Variants in EHBP1 observed in about 807,000 individuals in gnomAD.
EHBP1 encodes the protein EH domain-binding protein 1.
A neutral mutation model predicts 144.0 loss-of-function variants in EHBP1; 55 were observed. That is an observed-to-expected ratio of 0.38 (90% confidence interval 0.31 to 0.48). The LOEUF (loss-of-function observed/expected upper bound fraction) is 0.48, where lower values mean the gene tolerates loss of function less well. Ranked by LOEUF, EHBP1 falls within the 20% of genes least tolerant of loss-of-function variation. The pLI is 0.98. For missense variants in EHBP1, 1,200 were observed against 1,364.2 expected (o/e 0.88, Z 1.90); for synonymous variants, 469 against 472.7 (o/e 0.99, Z 0.10).
intron 9 of EHBP1, 147 bp downstream of exon 9, chr2:62,865,118 T>C: frequency 4.4e-6 from 4 of 918,096 alleles, no homozygotes; most frequent in South Asian, 3.5e-5. Context: ...TGAGTGTTTA[T>C]AGTCTTAAAC....
chr2:62,675,491 T>C (rs1342195037), intron 1 of EHBP1, among the ~76,000 whole-genome samples: 2 of 152,100 alleles, frequency 1.3e-5, no homozygotes, highest in Non-Finnish European at 2.9e-5. Context: ...TGGCTGAATA[T>C]GCAAAGGATA....
chr2:62,722,867 G>A (rs2036371565), intron 2 of EHBP1, among the ~76,000 whole-genome samples: 4 of 152,210 alleles, frequency 2.6e-5, no homozygotes. Flanking sequence ...TGTGGTTCAA[G>A]AGAGCTGTTG....
intron 10 of EHBP1, among the ~76,000 whole-genome samples, chr2:62,894,860 G>A (rs2052749191): frequency 6.6e-6 from 1 of 151,020 alleles, no homozygotes; most frequent in African/African-American, 2.4e-5. Context: ...AGAGGTTACA[G>A]TAAGCTATGA....
chr2:62,703,773 C>T (rs566486745), upstream of EHBP1, among the ~76,000 whole-genome samples: 19 of 152,136 alleles, frequency 1.2e-4, no homozygotes, highest in East Asian at 3.3e-3. Flanking sequence ...TTTAAGACAC[C>T]ATTTAAAACT....
At chr2:62,872,443 T>A (rs1355202292) in intron 9 of EHBP1, among the ~76,000 whole-genome samples, 1 of 152,092 alleles carries the variant, frequency 6.6e-6, no homozygotes, top group East Asian at 1.9e-4. Flanking sequence ...TCTGTAAATA[T>A]TTTTTATTTG....
At chr2:62,692,837 G>T (rs897982285) in intron 1 of EHBP1, among the ~76,000 whole-genome samples, 15 of 151,752 alleles carry the variant, frequency 9.9e-5, no homozygotes, top group Non-Finnish European at 1.8e-4. Flanking sequence ...TCACATCAGG[G>T]TACAAGCATT....
At chr2:62,904,222 C>T (rs1021130696) in intron 10 of EHBP1, among the ~76,000 whole-genome samples, 1 of 152,218 alleles carries the variant, frequency 6.6e-6, no homozygotes, top group Non-Finnish European at 1.5e-5. Context: ...TTTGGTAGAA[C>T]TGAGACAAAG....
Position 62,841,643 on chromosome 2 carries a change from GTA to G in EHBP1, c.634+10490_634+10491del, listed in dbSNP as rs1387778783. On this transcript the variant is annotated intron_variant, in intron 7 of 22. Coordinates refer to ENST00000431489, the MANE Select transcript of EHBP1 (RefSeq NM_001142616.3). The stretch of plus-strand genomic sequence containing the variant: ...AACATTTTGCTAATTCTTTTCAATA[GTA>G]TATACTGACATTTGCATTTTATTTT... Among the ~76,000 whole-genome samples the G allele has an allele frequency of 2.0e-5, 3 of 151,932 alleles. No individual in the cohort carries two copies. The East Asian group carries it at 5.8e-4, about 29-fold the overall frequency.
chr2:62,950,154 A>T lies in EHBP1; in HGVS notation c.2316+992A>T, dbSNP rs552714434. ...TCCTTTTTTTTTTTTCTGCACAGTTATCCTCTGTGCCATCAAAAGCATTGT... is the reference window on the plus strand; with the variant it reads ...TCCTTTTTTTTTTTTCTGCACAGTTTTCCTCTGTGCCATCAAAAGCATTGT... On this transcript the variant is annotated intron_variant, in intron 13 of 22. Transcript: ENST00000431489. 8.0e-5 allele frequency among the ~76,000 whole-genome samples: 12 copies of T among 149,742 alleles called. No individual in the cohort carries two copies. In the East Asian group the frequency reaches 2.2e-3, roughly 27 times the overall value.
rs1574192336 is a variant in EHBP1, at chr2:62,948,391, A to G, written c.1545A>G (p.Gln515=). ...LYQIRAHFSG[Q]ELNVVQIEEN... The stretch of plus-strand genomic sequence containing the variant: ...AAATAAGGGCACATTTCAGTGGCCA[A>G]GAACTAAATGTCGTTCAGATAGAGG... The change falls in exon 13 of 23, where the codon CAA becomes CAG. Residue 515 remains glutamine, a synonymous_variant. Transcript: ENST00000431489. The G allele has an allele frequency of 1.2e-6, 2 of 1,614,056 alleles. No homozygotes were observed. Among genetic ancestry groups the G allele is most frequent in the Non-Finnish European group, 1.7e-6 (2 of 1,179,958 alleles).
At chr2:62,705,227 G>A (rs1215744707), upstream of EHBP1, among the ~76,000 whole-genome samples, 7 of 151,984 alleles carry the variant, frequency 4.6e-5, no homozygotes, top group Non-Finnish European at 8.8e-5. Context: ...GAGAGGGCGC[G>A]CCCAGGTCCT....
At chr2:62,766,958 TAAAA>T (rs774238457) in intron 4 of EHBP1, among the ~76,000 whole-genome samples, 1 of 105,826 alleles carries the variant, frequency 9.4e-6, no homozygotes, top group Admixed American at 1.0e-4. Flanking sequence ...TGTGCTTCAT[TAAAA>T]AAAAAAAAAA....
At chr2:63,034,043 G>A (rs190983582) in intron 19 of EHBP1, among the ~76,000 whole-genome samples, 1 of 152,082 alleles carries the variant, frequency 6.6e-6, no homozygotes, top group African/African-American at 2.4e-5. Flanking sequence ...TTGTGATATC[G>A]AAATAGATGT....
At chr2:62,960,758 T>C (rs955352168) in intron 14 of EHBP1, among the ~76,000 whole-genome samples, 6 of 152,188 alleles carry the variant, frequency 3.9e-5, no homozygotes, top group Non-Finnish European at 8.8e-5. Context: ...GAAAAATAAA[T>C]GTTTCTCTGA....
chr2:62,699,656 T>G (rs972656180), intron 1 of EHBP1, among the ~76,000 whole-genome samples: 1 of 152,222 alleles, frequency 6.6e-6, no homozygotes, highest in Admixed American at 6.5e-5. Context: ...TAGGCCAACG[T>G]TTACAGTTGT....
chr2:62,766,316 C>T lies in EHBP1; in HGVS notation c.258+1955C>T, dbSNP rs897270528. On this transcript the variant is annotated intron_variant, in intron 4 of 22. Transcript: ENST00000431489. Reference sequence around the variant, plus strand: ...AGAGACCGAGAGAATGCTGCAGTCACGTTCATCTTGAAATAGCCTAGGTAC... The same window carrying T: ...AGAGACCGAGAGAATGCTGCAGTCATGTTCATCTTGAAATAGCCTAGGTAC... 2.6e-5 allele frequency among the ~76,000 whole-genome samples: 4 copies of T among 152,126 alleles called. No homozygotes were observed. In the South Asian group the frequency reaches 6.2e-4, roughly 24 times the overall value.
intron 1 of EHBP1, among the ~76,000 whole-genome samples, chr2:62,678,824 A>G (rs2033407271): frequency 6.6e-6 from 1 of 152,162 alleles, no homozygotes; most frequent in Non-Finnish European, 1.5e-5. Flanking sequence ...TATTACATGT[A>G]TATTTACTAA....
intron 10 of EHBP1, among the ~76,000 whole-genome samples, chr2:62,886,340 AAC>A (rs1210588421): frequency 3.9e-5 from 6 of 152,228 alleles, no homozygotes; most frequent in Non-Finnish European, 7.3e-5. Flanking sequence ...TAAAATAATA[AAC>A]ACACAGTTTT....
chr2:62,875,869 G>C (rs547530924), intron 10 of EHBP1, among the ~76,000 whole-genome samples: 3 of 152,300 alleles, frequency 2.0e-5, no homozygotes, highest in Admixed American at 6.5e-5. Context: ...AATAGACCAA[G>C]CTGAGGAAAG....
Sources: allele counts gnomAD v4.1 joint callset (sites outside exome capture counted in the v4.1 genomes callset), GRCh38; gene constraint gnomAD v4.1.1; transcripts MANE v1.5; gene names NCBI Gene and HGNC (gene_info 2026-07-23, HGNC 2026-07-21).